The following ZNF254 variants were observed in gnomAD, a reference collection of about 807,000 sequenced individuals.
ZNF254 encodes CTD-2017D11.1.
ZNF254 carries 10 observed loss-of-function variants against 12.4 expected under a neutral mutation model. The observed-to-expected ratio is 0.80, with a 90% confidence interval of 0.50 to 1.36. The LOEUF is 1.36. Ranked by LOEUF, ZNF254 falls within the 40% of genes most tolerant of loss-of-function variation. ZNF254 has a pLI of 0.00. For missense variants in ZNF254, 996 were observed against 763.9 expected (o/e 1.30, Z -3.58); for synonymous variants, 305 against 253.4 (o/e 1.20, Z -1.93).
chr19:24,056,049 C>A (rs1284573170), intron 2 of ZNF254, among the ~76,000 whole-genome samples: 1 of 152,158 alleles, frequency 6.6e-6, no homozygotes, highest in East Asian at 1.9e-4. Context: ...ATAGCTGAAC[C>A]CAGAACTGAG....
chr19:24,046,184 G>C (rs1970376223), exon 2 of ZNF254: 1 of 151,698 alleles, frequency 6.6e-6, no homozygotes, highest in Non-Finnish European at 1.5e-5. Flanking sequence ...TAAAAAACAG[G>C]TCTTGCCATC....
At chr19:24,073,647 A>T (rs1015911995) in intron 2 of ZNF254, among the ~76,000 whole-genome samples, 1 of 152,156 alleles carries the variant, frequency 6.6e-6, no homozygotes, top group Non-Finnish European at 1.5e-5. Context: ...ATTGACTCTC[A>T]TACATGGATT....
intron 1 of ZNF254, among the ~76,000 whole-genome samples, chr19:24,092,211 T>TGAGTG (rs979726952): frequency 1.3e-5 from 2 of 148,274 alleles, no homozygotes; most frequent in Non-Finnish European, 3.0e-5. Context: ...GTTGTTGCCC[T>TGAGTG]GAGTGGAGTG....
intron 3 of ZNF254, among the ~76,000 whole-genome samples, chr19:24,115,456 AT>A (rs1443971531): frequency 3.1e-5 from 4 of 129,588 alleles, no homozygotes; most frequent in African/African-American, 1.4e-4. Context: ...ATTCCCACTC[AT>A]GGGGGGAATT....
At chr19:24,036,980 C>T (rs556164193) in intron 1 of ZNF254, among the ~76,000 whole-genome samples, 1 of 152,318 alleles carries the variant, frequency 6.6e-6, no homozygotes, top group Admixed American at 6.5e-5. Context: ...GCCTAGAGGA[C>T]TCCTGGATTA....
At chr19:24,069,709 T>A (rs1261315866) in intron 2 of ZNF254, among the ~76,000 whole-genome samples, 2 of 151,700 alleles carry the variant, frequency 1.3e-5, no homozygotes, top group African/African-American at 4.8e-5. Context: ...TCTCAGCACT[T>A]TGGGAGGCCG....
chr19:24,074,046 A>T lies in ZNF254; in HGVS notation c.-94+27767A>T, dbSNP rs558951309. Among the ~76,000 whole-genome samples the T allele has an allele frequency of 9.5e-4, 144 of 152,228 alleles. 1 individual carries two copies. The highest frequency in any genetic ancestry group is 3.4e-3 in the African/African-American group (140 of 41,556). ...CAGCACTGCCCACAGGGAGGCATTGAGACATATGGCTGAGCCCCACACCTT... is the reference window on the plus strand; with the variant it reads ...CAGCACTGCCCACAGGGAGGCATTGTGACATATGGCTGAGCCCCACACCTT... On this transcript the variant is annotated intron_variant, in intron 2 of 4. Coordinates refer to the ZNF254 transcript ENST00000613065.
At chr19:24,043,817 CTGT>C (rs1599575939) in intron 1 of ZNF254, among the ~76,000 whole-genome samples, 3 of 152,162 alleles carry the variant, frequency 2.0e-5, no homozygotes, top group African/African-American at 7.2e-5. Context: ...GATCAATTTT[CTGT>C]TGTTGCCTTG....
chr19:24,117,133 C>G (rs1974135238), intron 3 of ZNF254, among the ~76,000 whole-genome samples: 1 of 152,168 alleles, frequency 6.6e-6, no homozygotes, highest in African/African-American at 2.4e-5. Context: ...TTAGGCTGCT[C>G]ATGGTTCAGG....
intron 1 of ZNF254, among the ~76,000 whole-genome samples, chr19:24,092,502 C>T (rs890179390): frequency 1.3e-5 from 2 of 151,950 alleles, no homozygotes; most frequent in Admixed American, 6.6e-5. Flanking sequence ...CAGCCTTCCA[C>T]GTACCTGGGA....
At chr19:24,119,472 G>A (rs1364644420) in intron 3 of ZNF254, among the ~76,000 whole-genome samples, 1 of 152,030 alleles carries the variant, frequency 6.6e-6, no homozygotes, top group African/African-American at 2.4e-5. Context: ...GATTACATGT[G>A]TGAGCCACCA....
chr19:24,067,779 T>C (rs1971331039), intron 2 of ZNF254, among the ~76,000 whole-genome samples: 1 of 151,706 alleles, frequency 6.6e-6, no homozygotes, highest in Non-Finnish European at 1.5e-5. Flanking sequence ...GACTCTTTTC[T>C]CTTGCCTGGA....
In ZNF254 at chr19:24,127,060, G is replaced by C; in HGVS notation, c.1060G>C (p.Glu354Gln). Residue 354 changes from glutamate to glutamine, a missense_variant, in exon 4 of 4, where the codon GAA becomes CAA. Coordinates refer to ENST00000357002, the MANE Select transcript of ZNF254 (RefSeq NM_203282.4). ...TGGAGAGAAACCCTACAAATGTGAA[G>C]AATGTGGCAAAGCTTTTAGCCAGTC... The part of the protein sequence containing the change: ...HTGEKPYKCE[E>Q]CGKAFSQSST... The C allele has an allele frequency of 3.1e-6, 5 of 1,613,616 alleles. No individual in the cohort carries two copies. In the South Asian group the frequency reaches 4.4e-5, roughly 14 times the overall value.
intron 1 of ZNF254, among the ~76,000 whole-genome samples, chr19:24,035,394 C>T (rs1300802983): frequency 6.6e-6 from 1 of 152,152 alleles, no homozygotes; most frequent in Admixed American, 6.5e-5. Context: ...AACTCCTGAC[C>T]TCAGGTGATC....
chr19:24,048,003 C>CTTTTTTTTTTTTTTTTT lies in ZNF254; in HGVS notation c.-94+1731_-94+1747dup, dbSNP rs398034320. ...CACCCGGCTCTTTTTTTCTTTTCTT[C>CTTTTTTTTTTTTTTTTT]TTTTTTTTTTTTTTTTTTTTTTTGC... On this transcript the variant is annotated intron_variant, in intron 2 of 4. Transcript: ENST00000613065. 4.4e-3 allele frequency among the ~76,000 whole-genome samples: 304 copies of CTTTTTTTTTTTTTTTTT among 68,798 alleles called. 21 individuals are homozygous for CTTTTTTTTTTTTTTTTT. Among genetic ancestry groups the CTTTTTTTTTTTTTTTTT allele is most frequent in the Middle Eastern group, 0.025 (1 of 40 alleles). 45.1% of individuals were successfully genotyped at this position (68,798 alleles called of 152,430 possible). A position where few individuals can be genotyped will look rare whatever the true frequency, so the allele number is the denominator to read the frequency against.
At chr19:24,067,699 T>G (rs1035689244) in intron 2 of ZNF254, among the ~76,000 whole-genome samples, 1 of 151,920 alleles carries the variant, frequency 6.6e-6, no homozygotes, top group Admixed American at 6.6e-5. Context: ...ATACGACCCT[T>G]CCTCTACTGC....
intron 2 of ZNF254, among the ~76,000 whole-genome samples, chr19:24,080,851 G>A (rs529726375): frequency 7.3e-5 from 11 of 151,688 alleles, no homozygotes; most frequent in Non-Finnish European, 1.0e-4. Flanking sequence ...CACTTTGGGA[G>A]GCTGAGGTGG....
chr19:24,062,854 G>T lies in ZNF254; in HGVS notation c.-94+16575G>T, dbSNP rs533871043. Among the ~76,000 whole-genome samples the T allele has an allele frequency of 5.6e-4, 86 of 152,314 alleles. 1 individual carries two copies. The South Asian group carries it at 0.017, about 30-fold the overall frequency. ...TTGCTCTTGTTACCGAGGCTGGAGAGCAGTGGCACGATCTTGGCTCACTGC... is the reference window on the plus strand; with the variant it reads ...TTGCTCTTGTTACCGAGGCTGGAGATCAGTGGCACGATCTTGGCTCACTGC... On this transcript the variant is annotated intron_variant, in intron 2 of 4. Coordinates refer to the ZNF254 transcript ENST00000613065.
intron 3 of ZNF254, among the ~76,000 whole-genome samples, chr19:24,115,597 C>A (rs1034814978): frequency 6.6e-6 from 1 of 151,844 alleles, no homozygotes; most frequent in Admixed American, 6.6e-5. Flanking sequence ...ATGGGTGCAG[C>A]ACACCAGCAT....
Sources: allele counts gnomAD v4.1 joint callset (sites outside exome capture counted in the v4.1 genomes callset), GRCh38; gene constraint gnomAD v4.1.1; transcripts MANE v1.5; gene names NCBI Gene and HGNC (gene_info 2026-07-23, HGNC 2026-07-21).